PGBD5: variants seen among roughly 807,000 people sequenced by gnomAD.
The protein encoded by PGBD5 is piggyBac transposable element derived 5.
PGBD5 carries 14 observed loss-of-function variants against 47.9 expected under a neutral mutation model. The ratio of observed to expected loss-of-function variants is 0.29; its 90% CI spans 0.19 to 0.46. PGBD5 has a LOEUF of 0.46. Among genes scored for constraint, PGBD5 ranks in the 20% least tolerant of loss-of-function variants. PGBD5 has a pLI of 1.00. For synonymous variants in PGBD5, 316 were observed against 306.3 expected, an observed-to-expected ratio of 1.03 and a Z score of -0.33; for missense variants, 635 against 716.0, an observed-to-expected ratio of 0.89 and a Z score of 1.29.
intron 3 of PGBD5, among the ~76,000 whole-genome samples, chr1:230,342,740 C>T (rs1667426059): frequency 6.6e-6 from 1 of 152,142 alleles, no homozygotes; most frequent in African/African-American, 2.4e-5. Flanking sequence ...GCCATATGCA[C>T]CTTGCAAGGC....
intron 3 of PGBD5, among the ~76,000 whole-genome samples, chr1:230,341,831 T>C (rs1250757500): frequency 6.6e-6 from 1 of 152,166 alleles, no homozygotes; most frequent in African/African-American, 2.4e-5. Context: ...AGCAGGAAAA[T>C]GTACCATTTG....
chr1:230,414,799 T>G lies in PGBD5; in HGVS notation c.331+10799A>C, dbSNP rs181462694. ...CCTGAAGGAAGCAAATGTCATTACG[T>G]CAGATAAGGAAGGAGATGAAGACTG... On this transcript the variant is annotated intron_variant, in intron 1 of 6. Transcript: ENST00000391860. Among the ~76,000 whole-genome samples, 203 of 152,284 alleles carry G rather than the reference T, an allele frequency of 1.3e-3. 1 individual carries two copies. The highest frequency in any genetic ancestry group is 5.0e-4 in the Non-Finnish European group (34 of 68,032).
chr1:230,388,313 G>A (rs554473369), intron 1 of PGBD5, among the ~76,000 whole-genome samples: 22 of 152,232 alleles, frequency 1.4e-4, no homozygotes, highest in Admixed American at 4.6e-4. Context: ...GCCAAGCAGC[G>A]ATGGGGTTGA....
chr1:230,385,594 A>G (rs11806817), intron 1 of PGBD5, among the ~76,000 whole-genome samples: 54,604 of 152,022 alleles, frequency 0.36, 10,691 homozygotes, highest in Non-Finnish European at 0.45. Context: ...CTTATTATAG[A>G]GAAAATTAGA....
chr1:230,411,568 A>G (rs1272786229), intron 1 of PGBD5, among the ~76,000 whole-genome samples: 1 of 152,234 alleles, frequency 6.6e-6, no homozygotes, highest in Admixed American at 6.5e-5. Flanking sequence ...TCTACTATTA[A>G]ATGGCAAAAG....
intron 1 of PGBD5, among the ~76,000 whole-genome samples, chr1:230,419,603 C>G (rs1379117065): frequency 6.6e-6 from 1 of 152,156 alleles, no homozygotes; most frequent in African/African-American, 2.4e-5. Flanking sequence ...AAATACTCCT[C>G]TAAGAGCCAT....
At chr1:230,352,580 G>A (rs1024322288) in intron 2 of PGBD5, among the ~76,000 whole-genome samples, 1 of 152,154 alleles carries the variant, frequency 6.6e-6, no homozygotes, top group African/African-American at 2.4e-5. Flanking sequence ...AGTCTTAGCA[G>A]TGCATATCTG....
intron 1 of PGBD5, among the ~76,000 whole-genome samples, chr1:230,383,585 T>C (rs1407863168): frequency 6.6e-6 from 1 of 152,136 alleles, no homozygotes; most frequent in Admixed American, 6.5e-5. Context: ...TTGCCCAGGC[T>C]GGTCTTGAAC....
intron 1 of PGBD5, among the ~76,000 whole-genome samples, chr1:230,391,129 C>T (rs932279171): frequency 7.3e-6 from 1 of 137,646 alleles, no homozygotes; most frequent in Non-Finnish European, 1.6e-5. Flanking sequence ...GGCATGTCAC[C>T]GAGGCAGGAC....
chr1:230,340,649 A>G (rs1331217383), intron 3 of PGBD5, among the ~76,000 whole-genome samples: 1 of 152,142 alleles, frequency 6.6e-6, no homozygotes, highest in African/African-American at 2.4e-5. Flanking sequence ...TTACCCAAGC[A>G]TAAGACTATT....
rs1208965272 is a variant in PGBD5 at position 230,322,345 on chromosome 1, G to A, written c.*1080C>T. ...TTGGGGTTTTTCCAAGGCCAGCCCT[G>A]TTGTTCTGAGGGGCCACTCTGAGCA... is the stretch of plus-strand genomic sequence containing the variant. On this transcript the variant is annotated 3_prime_UTR_variant, in exon 7 of 7. Coordinates refer to ENST00000391860, the MANE Select transcript of PGBD5 (RefSeq NM_001258311.2). The surrounding 1 kb of genome is among the most constrained non-coding windows in gnomAD (Gnocchi z 5.9). 1.3e-5 allele frequency: 2 copies of A among 152,282 alleles called. No individual in the cohort carries two copies. Among genetic ancestry groups the A allele is most frequent in the South Asian group, 2.1e-4 (1 of 4,830 alleles). The allele number at this position is 152,282 out of a possible 1,614,324, so 9.4% of individuals were successfully genotyped here.
intron 1 of PGBD5, among the ~76,000 whole-genome samples, chr1:230,410,587 G>T (rs933889183): frequency 2.0e-5 from 3 of 152,010 alleles, no homozygotes; most frequent in Non-Finnish European, 4.4e-5. Context: ...GATCAAAGAA[G>T]AAATCAAAAG....
intron 2 of PGBD5, among the ~76,000 whole-genome samples, chr1:230,353,689 T>G (rs915852679): frequency 1.3e-5 from 2 of 152,172 alleles, no homozygotes; most frequent in African/African-American, 4.8e-5. Context: ...ACACACCTGA[T>G]GAGGGCAATG....
intron 1 of PGBD5, among the ~76,000 whole-genome samples, chr1:230,414,454 T>C (rs988861402): frequency 2.6e-5 from 4 of 152,264 alleles, no homozygotes; most frequent in African/African-American, 9.6e-5. Flanking sequence ...GTATTTCTTC[T>C]CTGCTACACT....
At chr1:230,382,058 A>G (rs1429011915) in intron 1 of PGBD5, among the ~76,000 whole-genome samples, 1 of 148,002 alleles carries the variant, frequency 6.8e-6, no homozygotes, top group African/African-American at 2.7e-5. Context: ...ACTGTGGACT[A>G]CTGTTGGACG....
intron 1 of PGBD5, among the ~76,000 whole-genome samples, chr1:230,404,621 A>ATAT (rs1657250538): frequency 1.5e-5 from 2 of 134,414 alleles, no homozygotes; most frequent in African/African-American, 5.6e-5. Context: ...CAAAAAAAAA[A>ATAT]AAAAAAAAAT....
chr1:230,408,023 G>A (rs1657333772), intron 1 of PGBD5, among the ~76,000 whole-genome samples: 1 of 152,162 alleles, frequency 6.6e-6, no homozygotes, highest in Non-Finnish European at 1.5e-5. Flanking sequence ...GAATGGTGGA[G>A]ACGTCACTGG....
At chr1:230,391,193 C>T (rs549979718) in intron 1 of PGBD5, among the ~76,000 whole-genome samples, 144 of 152,298 alleles carry the variant, frequency 9.5e-4, no homozygotes, top group African/African-American at 3.2e-3. Flanking sequence ...CAGCCTGTCG[C>T]TGTGGCTGAC....
rs1487980937 is a variant in PGBD5, at chr1:230,316,069, C to T, written c.*7356G>A. On this transcript the variant is annotated 3_prime_UTR_variant, in exon 7 of 7. Coordinates refer to ENST00000391860, the MANE Select transcript of PGBD5 (RefSeq NM_001258311.2). ...GTGTACACATATATGTATGTGTATA[C>T]ATACATGTTTATGTGTATACATACA... is the stretch of plus-strand genomic sequence containing the variant. 1.5e-5 allele frequency: 2 copies of T among 132,660 alleles called. No homozygotes were observed. Among genetic ancestry groups the T allele is most frequent in the African/African-American group, 2.8e-5 (1 of 35,784 alleles). The allele number at this position is 132,660 out of a possible 1,614,324, so 8.2% of individuals were successfully genotyped here.
Sources: gnomAD v4.1 joint callset for allele counts (sites outside exome capture counted in the v4.1 genomes callset) on GRCh38, gnomAD v4.1.1 for gene constraint, Gnocchi (gnomAD v3.1) non-coding constraint, MANE v1.5 for transcripts, NCBI Gene and HGNC (gene_info 2026-07-23, HGNC 2026-07-21) for gene names.